Variants in SLC15A1 observed in about 807,000 individuals in gnomAD.
SLC15A1 encodes Caco-2 oligopeptide transporter.
In SLC15A1, 83 loss-of-function variants were observed where a neutral mutation model predicts 92.9. That is an observed-to-expected ratio of 0.89 (90% CI 0.75 to 1.07). SLC15A1 has a LOEUF of 1.07. Ranked by LOEUF, SLC15A1 falls within the 50% of genes least tolerant of loss-of-function variation. The pLI is 0.00. For missense variants in SLC15A1, 857 were observed against 880.1 expected, an observed-to-expected ratio of 0.97 and a Z score of 0.33; for synonymous variants, 322 against 318.2, an observed-to-expected ratio of 1.01 and a Z score of -0.13.
At chr13:98,752,557 G>C in intron 1 of SLC15A1, 38 bp downstream of exon 1, 1 of 1,272,640 alleles carries the variant, frequency 7.9e-7, no homozygotes, top group Non-Finnish European at 9.9e-7. Flanking sequence ...GTAGCTCCGA[G>C]TCTTTAGCCC....
chr13:98,689,192 G>A (rs1313429299), intron 18 of SLC15A1, among the ~76,000 whole-genome samples: 2 of 152,128 alleles, frequency 1.3e-5, no homozygotes, highest in Non-Finnish European at 2.9e-5. Context: ...TGCCCACCTC[G>A]GCCTCCCAAA....
intron 1 of SLC15A1, among the ~76,000 whole-genome samples, chr13:98,733,360 C>G (rs746039938): frequency 3.9e-5 from 6 of 152,228 alleles, no homozygotes; most frequent in Non-Finnish European, 7.3e-5. Flanking sequence ...AAGTAAGACT[C>G]AAATTCCTGC....
intron 7 of SLC15A1, chr13:98,721,077 T>C: frequency 4.3e-6 from 2 of 467,182 alleles, no homozygotes; most frequent in Non-Finnish European, 8.8e-6. Flanking sequence ...AAACAAAAAA[T>C]CAATACAATT....
At chr13:98,685,863 G>A (rs557741953) in intron 22 of SLC15A1, among the ~76,000 whole-genome samples, 1 of 152,018 alleles carries the variant, frequency 6.6e-6, no homozygotes, top group South Asian at 2.1e-4. Flanking sequence ...GTGGGTGCCT[G>A]TAGGCTCAGC....
rs1555322597 is a variant in SLC15A1, at chr13:98,702,989, A to AAAAAG, written c.1417-465_1417-461dup. 2.3e-3 allele frequency among the ~76,000 whole-genome samples: 326 copies of AAAAAG among 143,850 alleles called. 3 individuals carry two copies. The highest frequency in any genetic ancestry group is 0.014 in the East Asian group (68 of 4,782). 94.4% of individuals were successfully genotyped at this position (143,850 alleles called of 152,430 possible). A position where few individuals can be genotyped will look rare whatever the true frequency, so the allele number is the denominator to read the frequency against. ...TCTCAAAAAAAAAAAAAAAAAAAAAAAAAAGAAAAGAAAAAGAGGGTTTCT... is the reference window on the plus strand; with the variant it reads ...TCTCAAAAAAAAAAAAAAAAAAAAAAAAAAGAAAAGAAAAGAAAAAGAGGGTTTCT... On this transcript the variant is annotated intron_variant, in intron 17 of 22. Coordinates refer to ENST00000376503, the MANE Select transcript of SLC15A1 (RefSeq NM_005073.4).
rs1411375519 is a variant in SLC15A1, at chr13:98,684,727, C to T, written c.2124G>A (p.Met708Ile). ...FMSGANSQKQM is the reference protein window; with the variant it reads ...FMSGANSQKQI ...TCCTCCACTTGCCTCCTGACCTTCA[C>T]ATCTGTTTCTGTGAATTGGCCCCTG... Residue 708 changes from methionine (M) to isoleucine (I), a missense_variant, in exon 23 of 23, where the codon ATG (methionine) becomes ATA (isoleucine). By Grantham distance (10) the Met-to-Ile change is conservative (BLOSUM62 1). Transcript: ENST00000376503. The T allele has an allele frequency of 2.5e-6, 4 of 1,614,038 alleles. No individual in the cohort carries two copies. The East Asian group carries it at 8.9e-5, about 36-fold the overall frequency.
In SLC15A1 at chr13:98,684,682, G is replaced by T; in HGVS notation, c.*42C>A. On this transcript the variant is annotated 3_prime_UTR_variant, in exon 23 of 23. Transcript: ENST00000376503. ...CTGCTACCTGGGGGCAGAGGTCAGG[G>T]CATCTGCGGGCCCAGTCCATCCTCC... 6.4e-7 allele frequency: 1 copy of T among 1,554,146 alleles called. No homozygotes were observed. The highest frequency in any genetic ancestry group is 8.8e-7 in the Non-Finnish European group (1 of 1,130,050).
At position 98,752,568 on chromosome 13, in the gene SLC15A1, G is replaced by A. The variant is rs1279924529; in HGVS notation, c.4+27C>T. The A allele has an allele frequency of 3.2e-6, 4 of 1,261,930 alleles. No individual in the cohort carries two copies. In the East Asian group the frequency reaches 9.4e-5, roughly 30 times the overall value. The allele number at this position is 1,261,930 out of a possible 1,614,324, so 78.2% of individuals were successfully genotyped here. On this transcript the variant is annotated intron_variant, in intron 1 of 22. Coordinates refer to ENST00000376503, the MANE Select transcript of SLC15A1 (RefSeq NM_005073.4). ...CCGCGTAGCTCCGAGTCTTTAGCCC[G>A]GCCGGCCCCCCACCCGCCGAGCGTA...
intron 18 of SLC15A1, among the ~76,000 whole-genome samples, chr13:98,694,317 G>A (rs545480307): frequency 1.2e-4 from 18 of 152,218 alleles, no homozygotes; most frequent in Non-Finnish European, 2.4e-4. Flanking sequence ...AATGAACAAA[G>A]TATATTTCAA....
rs1479588863 is a variant in SLC15A1, at chr13:98,721,541, A to G, written c.510T>C (p.Ile170=). The change falls in exon 7 of 23, where the codon ATT becomes ATC. Residue 170 remains isoleucine, a synonymous_variant. Coordinates refer to ENST00000376503, the MANE Select transcript of SLC15A1 (RefSeq NM_005073.4). The part of the protein sequence containing the change: ...NRFFSIFYLA[I]NAGSLLSTII... Reference sequence around the variant, plus strand: ...TTGTGGAAAGCAAACTTCCAGCATTAATAGCCAAGTAAAAGATGGAAAAAA... The same window carrying G: ...TTGTGGAAAGCAAACTTCCAGCATTGATAGCCAAGTAAAAGATGGAAAAAA... The G allele has an allele frequency of 6.2e-7, 1 of 1,610,294 alleles. No homozygotes were observed. The highest frequency in any genetic ancestry group is 8.5e-7 in the Non-Finnish European group (1 of 1,177,858).
rs1427444340 is a variant in SLC15A1, at chr13:98,695,002, CAG to C, written c.1467-6427_1467-6426del. Among the ~76,000 whole-genome samples the C allele has an allele frequency of 3.6e-5, 4 of 110,422 alleles. No homozygotes were observed. The East Asian group carries it at 1.0e-3, about 29-fold the overall frequency. 72.4% of individuals were successfully genotyped at this position (110,422 alleles called of 152,430 possible). A position where few individuals can be genotyped will look rare whatever the true frequency, so the allele number is the denominator to read the frequency against. On this transcript the variant is annotated intron_variant, in intron 18 of 22. Transcript: ENST00000376503. The stretch of plus-strand genomic sequence containing the variant: ...CACCACTGCACTCCAACCGGGGTGA[CAG>C]AGTGAGACTCCGTCTCAAAAAAAAA...
At chr13:98,744,966 T>C (rs79849615) in intron 1 of SLC15A1, among the ~76,000 whole-genome samples, 1 of 152,318 alleles carries the variant, frequency 6.6e-6, no homozygotes, top group African/African-American at 2.4e-5. Context: ...TTCAGTCTTC[T>C]AATTTTAGAA....
chr13:98,747,122 G>A (rs576404650), intron 1 of SLC15A1, among the ~76,000 whole-genome samples: 3 of 152,210 alleles, frequency 2.0e-5, no homozygotes, highest in African/African-American at 7.2e-5. Flanking sequence ...TCCAGCTTCT[G>A]AAACCAAGGG....
chr13:98,732,402 G>C (rs1391115374), intron 1 of SLC15A1, among the ~76,000 whole-genome samples: 1 of 151,894 alleles, frequency 6.6e-6, no homozygotes, highest in Non-Finnish European at 1.5e-5. Flanking sequence ...CTTTCTTTTT[G>C]CTAAATAATT....
At chr13:98,700,962 G>A (rs1593984885) in intron 18 of SLC15A1, among the ~76,000 whole-genome samples, 1 of 152,176 alleles carries the variant, frequency 6.6e-6, no homozygotes. Flanking sequence ...ACTAGTGGTA[G>A]TAAGACTCTT....
At chr13:98,738,501 C>T (rs61970128) in intron 1 of SLC15A1, among the ~76,000 whole-genome samples, 7,540 of 152,362 alleles carry the variant, frequency 0.049, 262 homozygotes, top group Middle Eastern at 0.078. Context: ...GACACTGCTT[C>T]TTACATCCCA....
intron 1 of SLC15A1, among the ~76,000 whole-genome samples, chr13:98,738,981 C>G (rs1439848285): frequency 1.3e-5 from 2 of 152,236 alleles, no homozygotes; most frequent in Non-Finnish European, 2.9e-5. Flanking sequence ...CTGCCCAAAG[C>G]CCTGGCACCC....
intron 1 of SLC15A1, among the ~76,000 whole-genome samples, chr13:98,732,125 G>A (rs919356642): frequency 8.5e-5 from 13 of 152,188 alleles, no homozygotes; most frequent in African/African-American, 3.1e-4. Flanking sequence ...ACTTCAGACC[G>A]AACTCAAGTA....
intron 18 of SLC15A1, among the ~76,000 whole-genome samples, chr13:98,698,710 T>C (rs886402180): frequency 1.3e-5 from 2 of 152,220 alleles, no homozygotes; most frequent in Admixed American, 1.3e-4. Context: ...GTGCTGGGAT[T>C]ACAGGCATGA....
Sources: gnomAD v4.1 joint callset for allele counts (sites outside exome capture counted in the v4.1 genomes callset) on GRCh38, gnomAD v4.1.1 for gene constraint, MANE v1.5 for transcripts, NCBI Gene and HGNC (gene_info 2026-07-23, HGNC 2026-07-21) for gene names.